The following TEAD1 variants were observed in gnomAD, a reference collection of about 807,000 sequenced individuals.
The protein encoded by TEAD1 is transcriptional enhancer factor TEF-1.
In TEAD1, 9 loss-of-function variants were observed where a neutral mutation model predicts 54.9. That is an observed-to-expected ratio of 0.16 (90% CI 0.10 to 0.29). The LOEUF (loss-of-function observed/expected upper bound fraction) is 0.29, where lower values mean the gene tolerates loss of function less well. TEAD1 is among the 10% of genes least tolerant of loss of function. The probability of loss-of-function intolerance (pLI) is 1.00; values close to 1 mark genes in which losing one functional copy is unlikely to be tolerated. For synonymous variants in TEAD1, 200 were observed against 187.8 expected, an observed-to-expected ratio of 1.07 and a Z score of -0.53; for missense variants, 387 against 535.9, an observed-to-expected ratio of 0.72 and a Z score of 2.74.
At chr11:12,774,042 G>C (rs899228777) in intron 3 of TEAD1, among the ~76,000 whole-genome samples, 1 of 152,204 alleles carries the variant, frequency 6.6e-6, no homozygotes, top group Non-Finnish European at 1.5e-5. Context: ...GTTATGGCTT[G>C]GTCGTAGGAG....
intron 9 of TEAD1, among the ~76,000 whole-genome samples, chr11:12,893,394 A>G (rs934744035): frequency 1.3e-5 from 2 of 152,098 alleles, no homozygotes; most frequent in Non-Finnish European, 2.9e-5. Context: ...GGCCCAGGGC[A>G]CACTCTCTTG....
At chr11:12,903,539 G>A (rs1948459368) in intron 10 of TEAD1, among the ~76,000 whole-genome samples, 2 of 152,164 alleles carry the variant, frequency 1.3e-5, no homozygotes, top group African/African-American at 4.8e-5. Flanking sequence ...AGTAGTCCAG[G>A]CACAGTGGCT....
At chr11:12,761,636 A>G (rs555596543) in intron 2 of TEAD1, among the ~76,000 whole-genome samples, 2 of 152,306 alleles carry the variant, frequency 1.3e-5, no homozygotes, top group Middle Eastern at 3.4e-3. Context: ...AAATGCATTC[A>G]TGAGGGTGGG....
intron 11 of TEAD1, among the ~76,000 whole-genome samples, chr11:12,928,438 T>G (rs1948943072): frequency 6.6e-6 from 1 of 151,994 alleles, no homozygotes; most frequent in African/African-American, 2.4e-5. Flanking sequence ...TGTGCCACCA[T>G]GCCTGGCTAA....
At chr11:12,913,714 G>A (rs565167702) in intron 10 of TEAD1, among the ~76,000 whole-genome samples, 1 of 152,140 alleles carries the variant, frequency 6.6e-6, no homozygotes, top group Non-Finnish European at 1.5e-5. Context: ...ACAGTATTTG[G>A]TATATATGTT....
chr11:12,754,100 T>G (rs577453220), intron 2 of TEAD1, among the ~76,000 whole-genome samples: 7 of 152,368 alleles, frequency 4.6e-5, no homozygotes, highest in Admixed American at 2.0e-4. Flanking sequence ...TTTCATTATC[T>G]TTGTGCCAGT....
intron 3 of TEAD1, among the ~76,000 whole-genome samples, chr11:12,784,578 G>A (rs1056134458): frequency 1.1e-4 from 17 of 152,216 alleles, no homozygotes; most frequent in Non-Finnish European, 1.2e-4. Context: ...TGCAGGAGCA[G>A]GGGAGTCTGA....
intron 3 of TEAD1, among the ~76,000 whole-genome samples, chr11:12,772,772 C>T (rs1048024327): frequency 1.3e-5 from 2 of 152,128 alleles, no homozygotes; most frequent in African/African-American, 2.4e-5. Flanking sequence ...TTGGCATCCA[C>T]ACAACCCAGT....
At chr11:12,884,028 C>T (rs1384053794) in intron 9 of TEAD1, among the ~76,000 whole-genome samples, 1 of 151,776 alleles carries the variant, frequency 6.6e-6, no homozygotes, top group Non-Finnish European at 1.5e-5. Context: ...AACAAAATGG[C>T]ACTTTAGCAG....
At chr11:12,792,374 A>AAAAAAAAAAG (rs1481966874) in intron 3 of TEAD1, among the ~76,000 whole-genome samples, 1 of 150,778 alleles carries the variant, frequency 6.6e-6, no homozygotes, top group African/African-American at 2.4e-5. Flanking sequence ...AAAAAAAAAA[A>AAAAAAAAAAG]GTCCTATATA....
intron 3 of TEAD1, among the ~76,000 whole-genome samples, chr11:12,812,086 C>T (rs970695006): frequency 9.2e-5 from 14 of 152,244 alleles, no homozygotes; most frequent in Admixed American, 8.5e-4. Flanking sequence ...GAGAGTTATG[C>T]ACCATTCATA....
chr11:12,751,200 G>T (rs1203162716), intron 2 of TEAD1, among the ~76,000 whole-genome samples: 2 of 151,940 alleles, frequency 1.3e-5, no homozygotes, highest in Non-Finnish European at 2.9e-5. Context: ...TACTTGGGAG[G>T]CTGAGGCAGG....
chr11:12,735,543 T>A (rs1425121779), intron 2 of TEAD1, among the ~76,000 whole-genome samples: 1 of 151,648 alleles, frequency 6.6e-6, no homozygotes, highest in East Asian at 1.9e-4. Flanking sequence ...CCGCCCTCCT[T>A]GTCGCCTTTC....
intron 3 of TEAD1, among the ~76,000 whole-genome samples, chr11:12,777,641 G>T (rs934680675): frequency 1.3e-5 from 2 of 152,242 alleles, no homozygotes; most frequent in African/African-American, 2.4e-5. Context: ...CATGCCAGAT[G>T]TGAGGTATCG....
At chr11:12,685,949 A>T (rs1481803227) in intron 2 of TEAD1, among the ~76,000 whole-genome samples, 1 of 152,092 alleles carries the variant, frequency 6.6e-6, no homozygotes, top group African/African-American at 2.4e-5. Flanking sequence ...CTTTTTTCTT[A>T]ATTTTAACCT....
At chr11:12,846,100 G>C (rs1158280852) in intron 3 of TEAD1, among the ~76,000 whole-genome samples, 1 of 152,212 alleles carries the variant, frequency 6.6e-6, no homozygotes, top group Non-Finnish European at 1.5e-5. Flanking sequence ...AGCCTCATCT[G>C]GTAGAGATTA....
chr11:12,731,361 C>A (rs1484471820), intron 2 of TEAD1, among the ~76,000 whole-genome samples: 1 of 152,152 alleles, frequency 6.6e-6, no homozygotes. Context: ...TTTCACCACT[C>A]ATAGATTATT....
At chr11:12,746,435 A>T (rs1026845035) in intron 2 of TEAD1, among the ~76,000 whole-genome samples, 1 of 152,212 alleles carries the variant, frequency 6.6e-6, no homozygotes, top group Admixed American at 6.5e-5. Context: ...AAATAAGCAA[A>T]CTAAAGAAAA....
At chr11:12,888,638 A>G (rs1474097003) in intron 9 of TEAD1, among the ~76,000 whole-genome samples, 1 of 152,204 alleles carries the variant, frequency 6.6e-6, no homozygotes, top group Non-Finnish European at 1.5e-5. Flanking sequence ...CTCACCACAT[A>G]TGTCACCCTT....
Sources: gnomAD v4.1 joint callset for allele counts (sites outside exome capture counted in the v4.1 genomes callset) on GRCh38, gnomAD v4.1.1 for gene constraint, MANE v1.5 for transcripts, NCBI Gene and HGNC (gene_info 2026-07-23, HGNC 2026-07-21) for gene names.